Variants in FHIT observed in about 807,000 individuals in gnomAD.
FHIT encodes the protein fragile histidine triad diadenosine triphosphatase, also known as bis(5'-adenosyl)-triphosphatase.
In FHIT, 19 loss-of-function variants were observed where a neutral mutation model predicts 17.9. The observed-to-expected ratio is 1.06, with a 90% CI of 0.74 to 1.56. The LOEUF (loss-of-function observed/expected upper bound fraction) is 1.56. FHIT is among the 40% of genes most tolerant of loss of function. The pLI is 0.00. For synonymous variants in FHIT, 81 were observed against 69.7 expected (o/e 1.16, Z -0.81); for missense variants, 248 against 189.2 (o/e 1.31, Z -1.82).
At chr3:60,660,729 CT>C in intron 4 of FHIT, among the ~76,000 whole-genome samples, 5,626 of 37,128 alleles carry the variant, frequency 0.15, 251 homozygotes, top group Middle Eastern at 0.18. Flanking sequence ...TTATTGTGCT[CT>C]TTTTTTTTTT....
chr3:60,121,794 A>G (rs7647923), intron 5 of FHIT, among the ~76,000 whole-genome samples: 98,211 of 151,488 alleles, frequency 0.65, 32,391 homozygotes, highest in African/African-American at 0.73. Flanking sequence ...TCCCACTCCA[A>G]CAACTATGTA....
intron 2 of FHIT, among the ~76,000 whole-genome samples, chr3:61,068,103 T>C (rs1416652222): frequency 6.6e-6 from 1 of 152,192 alleles, no homozygotes; most frequent in Non-Finnish European, 1.5e-5. Context: ...TTACCAGGTG[T>C]ATTACTATCC....
chr3:60,517,879 C>T (rs2035219563), intron 5 of FHIT, among the ~76,000 whole-genome samples: 2 of 152,162 alleles, frequency 1.3e-5, no homozygotes, highest in Admixed American at 1.3e-4. Context: ...TAGAACCATA[C>T]TGCCCGGTTC....
intron 4 of FHIT, among the ~76,000 whole-genome samples, chr3:60,650,062 A>C (rs1230274434): frequency 6.6e-6 from 1 of 152,234 alleles, no homozygotes; most frequent in Non-Finnish European, 1.5e-5. Flanking sequence ...CAGAAAACTC[A>C]GTCTATACTG....
chr3:60,283,891 A>G (rs1262856458), intron 5 of FHIT, among the ~76,000 whole-genome samples: 1 of 152,176 alleles, frequency 6.6e-6, no homozygotes, highest in African/African-American at 2.4e-5. Context: ...CACTGCAGAA[A>G]GACAATGTAT....
At chr3:61,107,927 T>C (rs1453738554) in intron 2 of FHIT, among the ~76,000 whole-genome samples, 2 of 152,226 alleles carry the variant, frequency 1.3e-5, no homozygotes, top group East Asian at 3.9e-4. Flanking sequence ...AGTCAGTGAT[T>C]GGCACAAGGG....
chr3:60,084,312 T>G (rs921959544), intron 5 of FHIT, among the ~76,000 whole-genome samples: 2 of 152,180 alleles, frequency 1.3e-5, no homozygotes, highest in South Asian at 4.1e-4. Context: ...CAAGGTGGAG[T>G]CTTAACAGTG....
chr3:59,923,008 C>T (rs1705482243), intron 7 of FHIT, among the ~76,000 whole-genome samples: 1 of 151,720 alleles, frequency 6.6e-6, no homozygotes. Flanking sequence ...GCCTGTAATC[C>T]CAGCACTTTG....
intron 5 of FHIT, among the ~76,000 whole-genome samples, chr3:60,053,850 C>T (rs1701980464): frequency 6.6e-6 from 1 of 152,054 alleles, no homozygotes; most frequent in Admixed American, 6.6e-5. Context: ...TAAAAAACTC[C>T]AAACGTTCAA....
At chr3:60,528,200 G>A (rs888718547) in intron 5 of FHIT, among the ~76,000 whole-genome samples, 16 of 152,116 alleles carry the variant, frequency 1.1e-4, no homozygotes, top group African/African-American at 3.9e-4. Flanking sequence ...GAAACTCCTG[G>A]TCTCAAGTGA....
chr3:59,968,121 T>C (rs377500439), intron 7 of FHIT, among the ~76,000 whole-genome samples: 3 of 152,184 alleles, frequency 2.0e-5, no homozygotes, highest in South Asian at 2.1e-4. Context: ...AAGAAAACTA[T>C]CACCTATCTT....
intron 7 of FHIT, among the ~76,000 whole-genome samples, chr3:59,981,841 G>T (rs999898042): frequency 1.3e-5 from 2 of 151,976 alleles, no homozygotes; most frequent in Non-Finnish European, 2.9e-5. Flanking sequence ...TGGAATTCAA[G>T]AAAAAGTCTG....
intron 3 of FHIT, among the ~76,000 whole-genome samples, chr3:60,843,193 G>A (rs1230066232): frequency 5.9e-5 from 9 of 152,096 alleles, no homozygotes; most frequent in Non-Finnish European, 1.2e-4. Flanking sequence ...AAGCTAAAAA[G>A]GAGAACCACA....
At chr3:60,787,200 A>G (rs1700613566) in intron 4 of FHIT, among the ~76,000 whole-genome samples, 1 of 152,192 alleles carries the variant, frequency 6.6e-6, no homozygotes, top group African/African-American at 2.4e-5. Flanking sequence ...ATTAGAAAAA[A>G]TATATTTATA....
chr3:61,220,035 G>A (rs1310724033), intron 1 of FHIT, among the ~76,000 whole-genome samples: 3 of 151,112 alleles, frequency 2.0e-5, no homozygotes, highest in East Asian at 2.0e-4. Flanking sequence ...TAACTGCCAC[G>A]TTAAGGAATT....
At chr3:60,537,020 G>A in intron 4 of FHIT, 41 bp from the exon 5 acceptor site, 1 of 1,551,954 alleles carries the variant, frequency 6.4e-7, no homozygotes, top group Non-Finnish European at 8.7e-7. Flanking sequence ...ATTCAATTAA[G>A]AAACTCAGTT....
intron 8 of FHIT, among the ~76,000 whole-genome samples, chr3:59,882,059 A>C (rs534539236): frequency 6.6e-6 from 1 of 152,250 alleles, no homozygotes; most frequent in South Asian, 2.1e-4. Context: ...ATTTTCAACC[A>C]ATTTTTAAAT....
At chr3:60,857,959 C>T (rs552052024) in intron 3 of FHIT, among the ~76,000 whole-genome samples, 1 of 152,222 alleles carries the variant, frequency 6.6e-6, no homozygotes, top group African/African-American at 2.4e-5. Flanking sequence ...GATCACTAGC[C>T]TATAAGAGCT....
chr3:61,195,615 C>A (rs1313077859), intron 2 of FHIT, among the ~76,000 whole-genome samples: 1 of 152,156 alleles, frequency 6.6e-6, no homozygotes, highest in African/African-American at 2.4e-5. Flanking sequence ...GATTTTGAAT[C>A]TCTGAAGATA....
Sources: allele counts gnomAD v4.1 joint callset (sites outside exome capture counted in the v4.1 genomes callset), GRCh38; gene constraint gnomAD v4.1.1; transcripts MANE v1.5; gene names NCBI Gene and HGNC (gene_info 2026-07-23, HGNC 2026-07-21).